KIF20B: variants seen among roughly 807,000 people sequenced by gnomAD.
KIF20B encodes kinesin-like protein KIF20B.
Under a neutral mutation model 232.5 loss-of-function variants are expected in KIF20B, and 188 were observed. That is an observed-to-expected ratio of 0.81 (90% CI 0.72 to 0.91). KIF20B has a LOEUF of 0.91. Among genes scored for constraint, KIF20B ranks in the 40% least tolerant of loss-of-function variants. The probability of loss-of-function intolerance (pLI) is 0.00; values close to 1 mark genes in which losing one functional copy is unlikely to be tolerated. For missense variants in KIF20B, 2,154 were observed against 2,055.9 expected, an observed-to-expected ratio of 1.05 and a Z score of -0.92; for synonymous variants, 712 against 683.0, an observed-to-expected ratio of 1.04 and a Z score of -0.66.
intron 2 of KIF20B, among the ~76,000 whole-genome samples, chr10:89,707,828 A>G (rs1317261549): frequency 6.6e-6 from 1 of 152,172 alleles, no homozygotes; most frequent in Non-Finnish European, 1.5e-5. Context: ...AGGATGAGGA[A>G]GTTTGCATTC....
chr10:89,773,076 C>T (rs1842498184), intron 32 of KIF20B, among the ~76,000 whole-genome samples: 1 of 151,982 alleles, frequency 6.6e-6, no homozygotes. Flanking sequence ...AGAATTGTCA[C>T]TATTTAGTAA....
intron 19 of KIF20B, among the ~76,000 whole-genome samples, chr10:89,734,073 G>A (rs981280227): frequency 2.6e-5 from 4 of 151,836 alleles, no homozygotes; most frequent in South Asian, 4.2e-4. Flanking sequence ...TCTCACTGGG[G>A]GAAATCAGTA....
At chr10:89,760,429 T>G (rs1842214108) in intron 27 of KIF20B, 97 bp from the exon 28 acceptor site, 6 of 742,888 alleles carry the variant, frequency 8.1e-6, no homozygotes, top group African/African-American at 1.8e-5. Flanking sequence ...ATTGTTTAGT[T>G]TCATACAAAT....
At chr10:89,761,842 TC>T (rs1842248376) in intron 28 of KIF20B, among the ~76,000 whole-genome samples, 1 of 152,234 alleles carries the variant, frequency 6.6e-6, no homozygotes, top group African/African-American at 2.4e-5. Context: ...ATGTATGTTG[TC>T]CTAAAACCTC....
At position 89,715,033 on chromosome 10, in the gene KIF20B, C is replaced by T; in HGVS notation, c.791C>T (p.Ala264Val). 1.2e-6 allele frequency: 2 copies of T among 1,605,980 alleles called. No individual in the cohort carries two copies. Among genetic ancestry groups the T allele is most frequent in the Middle Eastern group, 1.7e-4 (1 of 5,766 alleles). The change falls in exon 8 of 33, where the codon GCT becomes GTT. Residue 264 changes from alanine (A) to valine (V), a missense_variant. Coordinates refer to ENST00000371728, the MANE Select transcript of KIF20B (RefSeq NM_001284259.2). Reference sequence around the variant, plus strand: ...TATGAACAAGCCAACTTGAATATGGCTAATAGTATAAAATTTTCTGTGTGG... The same window carrying T: ...TATGAACAAGCCAACTTGAATATGGTTAATAGTATAAAATTTTCTGTGTGG... ...KDYEQANLNM[A>V]NSIKFSVWVS...
intron 23 of KIF20B, among the ~76,000 whole-genome samples, chr10:89,746,376 G>C (rs1050630743): frequency 2.6e-5 from 4 of 152,220 alleles, no homozygotes; most frequent in African/African-American, 9.6e-5. Context: ...TGGGGAGCCA[G>C]AAGGGGATGG....
rs1842372978 is a variant in KIF20B at position 89,766,886 on chromosome 10, C to CG, written c.4990-1404_4990-1403insG. 4.0e-5 allele frequency among the ~76,000 whole-genome samples: 6 copies of CG among 151,762 alleles called. No homozygotes were observed. The South Asian group carries it at 1.2e-3, about 32-fold the overall frequency. On this transcript the variant is annotated intron_variant, in intron 29 of 32. Transcript: ENST00000371728. ...AATTTTTTAAAATAACATTAAAACA[C>CG]TGAGTTTCATCATCTAGTTGGCTTT...
At chr10:89,712,189 G>A (rs957068754) in intron 6 of KIF20B, among the ~76,000 whole-genome samples, 2 of 151,742 alleles carry the variant, frequency 1.3e-5, no homozygotes, top group Non-Finnish European at 2.9e-5. Flanking sequence ...TAGTGTATGG[G>A]TTGCAAATTT....
chr10:89,738,955 T>A lies in KIF20B; in HGVS notation c.3777-3T>A, dbSNP rs560071067. ...CCATAGAAAAGTGGTTTATGTTTTT[T>A]AGATTGAAAGAGGAACTCTCTGCAA... is the stretch of plus-strand genomic sequence containing the variant. On this transcript the variant is annotated splice_region_variant and splice_polypyrimidine_tract_variant and intron_variant, in intron 20 of 32. Coordinates refer to ENST00000371728, the MANE Select transcript of KIF20B (RefSeq NM_001284259.2). 1.3e-5 allele frequency: 21 copies of A among 1,608,372 alleles called. No individual in the cohort carries two copies. Among genetic ancestry groups the A allele is most frequent in the Admixed American group, 3.4e-5 (2 of 58,172 alleles).
At position 89,719,607 on chromosome 10, in the gene KIF20B, C is replaced by T. The variant is rs149973218; in HGVS notation, c.1623C>T (p.Asn541=). 220 of 1,613,102 alleles carry T rather than the reference C, an allele frequency of 1.4e-4. No homozygotes were observed. The highest frequency in any genetic ancestry group is 1.6e-4 in the Middle Eastern group (1 of 6,072). The change falls in exon 13 of 33, where the codon AAC becomes AAT. Residue 541 remains asparagine, a synonymous_variant. Coordinates refer to ENST00000371728, the MANE Select transcript of KIF20B (RefSeq NM_001284259.2). The stretch of plus-strand genomic sequence containing the variant: ...AGGATTTGGTTGAGGAGCTAGAAAA[C>T]GCTGAAGAAACTCAAAATGTGGAAA... ...EDEDLVEELE[N]AEETQNVETK...
intron 29 of KIF20B, among the ~76,000 whole-genome samples, chr10:89,764,327 T>C (rs1842308711): frequency 6.6e-6 from 1 of 152,132 alleles, no homozygotes; most frequent in Admixed American, 6.6e-5. Context: ...TCCAAGTCTT[T>C]GCTATTGTGA....
rs115570983 is a variant in KIF20B at position 89,762,807 on chromosome 10, G to A, written c.4961G>A (p.Arg1654Gln). The A allele has an allele frequency of 5.6e-4, 899 of 1,611,698 alleles. 6 individuals carry two copies. In the African/African-American group the frequency reaches 0.01, roughly 18 times the overall value. The stretch of plus-strand genomic sequence containing the variant: ...GTGACAGTTAAGATTCCCAAGGCTC[G>A]GAAGAGGAAGAGTAATGAAATGGAG... ...TPVTVKIPKA[R>Q]KRKSNEMEED... is the part of the protein sequence containing the mutation. The change falls in exon 29 of 33, where the codon CGG becomes CAG. Residue 1654 changes from arginine to glutamine, a missense_variant. Arg to Gln is a conservative substitution (Grantham distance 43, BLOSUM62 1). Coordinates refer to ENST00000371728, the MANE Select transcript of KIF20B (RefSeq NM_001284259.2).
At chr10:89,712,787 TGTA>T (rs746499329) in intron 6 of KIF20B, among the ~76,000 whole-genome samples, 1 of 152,248 alleles carries the variant, frequency 6.6e-6, no homozygotes, top group African/African-American at 2.4e-5. Context: ...TTCTGGATTT[TGTA>T]GTATATTTTC....
Position 89,768,801 on chromosome 10 carries a change from G to A in KIF20B, c.5155G>A (p.Val1719Ile), listed in dbSNP as rs895383251. Residue 1719 changes from valine (V) to isoleucine (I), a missense_variant, in exon 31 of 33, where the codon GTA becomes ATA. By Grantham distance (29) the Val-to-Ile change is conservative. Coordinates refer to ENST00000371728, the MANE Select transcript of KIF20B (RefSeq NM_001284259.2). Reference sequence around the variant, plus strand: ...ACGGAGTCAGGCATCCATAATTGGTGTAAACCTGGCCACTAAGAAAAAAGA... The same window carrying A: ...ACGGAGTCAGGCATCCATAATTGGTATAAACCTGGCCACTAAGAAAAAAGA... ...SLRSQASIIG[V>I]NLATKKKEGT... 3.1e-6 allele frequency: 5 copies of A among 1,610,026 alleles called. No individual in the cohort carries two copies. The highest frequency in any genetic ancestry group is 1.3e-5 in the African/African-American group (1 of 74,624).
At chr10:89,704,040 T>C (rs1395402636) in intron 1 of KIF20B, among the ~76,000 whole-genome samples, 1 of 152,138 alleles carries the variant, frequency 6.6e-6, no homozygotes, top group Non-Finnish European at 1.5e-5. Flanking sequence ...TGTGAGCCAC[T>C]GCGCCCGGCC....
rs115347972 is a variant in KIF20B, at chr10:89,719,289, T to A, written c.1435-130T>A. On this transcript the variant is annotated intron_variant, in intron 12 of 32. Transcript: ENST00000371728. ...TCTTTTAGGGATGGTGATTCCTGTTTGTATGTTTGTTTGAATAGTTTTTCC... is the reference window on the plus strand; with the variant it reads ...TCTTTTAGGGATGGTGATTCCTGTTAGTATGTTTGTTTGAATAGTTTTTCC... The A allele has an allele frequency of 3.6e-5, 23 of 639,660 alleles. No homozygotes were observed. In the African/African-American group the frequency reaches 4.0e-4, roughly 11 times the overall value. 39.6% of individuals were successfully genotyped at this position (639,660 alleles called of 1,614,324 possible).
At position 89,743,875 on chromosome 10, in the gene KIF20B, A is replaced by G. The variant is rs766688685; in HGVS notation, c.3983A>G (p.Asn1328Ser). 45 of 1,591,630 alleles carry G rather than the reference A, an allele frequency of 2.8e-5. No individual in the cohort carries two copies. Among genetic ancestry groups the G allele is most frequent in the Non-Finnish European group, 3.5e-5 (41 of 1,169,850 alleles). Residue 1328 changes from asparagine to serine, a missense_variant, in exon 22 of 33, where the codon AAC becomes AGC. Transcript: ENST00000371728. ...IKINELEKKK[N>S]QCSQELDMKQ... is the part of the protein sequence containing the mutation. ...ATTAATGAACTGGAGAAAAAGAAAAACCAGTGTTCTCAGGAATTAGATATG... is the reference window on the plus strand; with the variant it reads ...ATTAATGAACTGGAGAAAAAGAAAAGCCAGTGTTCTCAGGAATTAGATATG...
At position 89,774,068 on chromosome 10, in the gene KIF20B, AATATAAAT is replaced by A. The variant is rs769181479; in HGVS notation, c.*21_*28del. On this transcript the variant is annotated 3_prime_UTR_variant, in exon 33 of 33. Transcript: ENST00000371728. ...AAATAAATCACTTATGGAAATGTTTAATATAAATTTTATAGTCATAGTCATTGGAACTT... is the reference window on the plus strand; with the variant it reads ...AAATAAATCACTTATGGAAATGTTTATTTATAGTCATAGTCATTGGAACTT... 6.6e-7 allele frequency: 1 copy of A among 1,504,618 alleles called. No homozygotes were observed. The highest frequency in any genetic ancestry group is 1.3e-5 in the South Asian group (1 of 77,686). 93.2% of individuals were successfully genotyped at this position (1,504,618 alleles called of 1,614,324 possible).
chr10:89,747,520 A>C (rs1222342916), intron 23 of KIF20B, among the ~76,000 whole-genome samples: 3 of 151,218 alleles, frequency 2.0e-5, no homozygotes, highest in Admixed American at 1.3e-4. Context: ...GATGAAGAAA[A>C]TGTGGCACAT....
Sources: gnomAD v4.1 joint callset for allele counts (sites outside exome capture counted in the v4.1 genomes callset) on GRCh38, gnomAD v4.1.1 for gene constraint, MANE v1.5 for transcripts, NCBI Gene and HGNC (gene_info 2026-07-23, HGNC 2026-07-21) for gene names.